The following DNAH3 variants were observed in gnomAD, a reference collection of about 807,000 sequenced individuals.
DNAH3 encodes the protein dynein axonemal heavy chain 3.
In DNAH3, 332 loss-of-function variants were observed where a neutral mutation model predicts 432.5. That is an observed-to-expected ratio of 0.77 (90% CI 0.70 to 0.84). The LOEUF (loss-of-function observed/expected upper bound fraction) is 0.84, where lower values mean the gene tolerates loss of function less well. Ranked by LOEUF, DNAH3 falls within the 40% of genes least tolerant of loss-of-function variation. DNAH3 has a pLI of 0.00. For synonymous variants in DNAH3, 1,956 were observed against 1,900.2 expected (o/e 1.03, Z -0.76); for missense variants, 4,861 against 5,114.0 (o/e 0.95, Z 1.51).
intron 54 of DNAH3, among the ~76,000 whole-genome samples, chr16:20,958,458 C>T (rs1266027077): frequency 6.6e-6 from 1 of 152,092 alleles, no homozygotes; most frequent in Non-Finnish European, 1.5e-5. Context: ...CTCCTATTAC[C>T]TTCTCCAACA....
chr16:21,140,576 A>G, exon 5 of DNAH3: 1 of 1,613,980 alleles, frequency 6.2e-7, no homozygotes, highest in Non-Finnish European at 8.5e-7. Flanking sequence ...TTTACTTTCC[A>G]TTTCCATCTC....
At position 21,081,381 on chromosome 16, in the gene DNAH3, T is replaced by TAA. The variant is rs56977749; in HGVS notation, c.2969+253_2969+254dup. Among the ~76,000 whole-genome samples the TAA allele has an allele frequency of 4.3e-3, 617 of 144,036 alleles. 4 individuals are homozygous for TAA. The highest frequency in any genetic ancestry group is 0.011 in the African/African-American group (432 of 39,020). 94.5% of individuals were successfully genotyped at this position (144,036 alleles called of 152,430 possible). A position where few individuals can be genotyped will look rare whatever the true frequency, so the allele number is the denominator to read the frequency against. On this transcript the variant is annotated intron_variant, in intron 20 of 61. Coordinates refer to ENST00000261383, the Ensembl canonical transcript of DNAH3. Reference sequence around the variant, plus strand: ...CTTGAAGCTCAGGTTCAAAGAACATTAAAAAAAAAAAAAACCCTTTGAAAT... The same window carrying TAA: ...CTTGAAGCTCAGGTTCAAAGAACATTAAAAAAAAAAAAAAAACCCTTTGAAAT...
chr16:20,983,002 G>C, intron 48 of DNAH3, 116 bp from the exon 49 acceptor site: 2 of 1,101,266 alleles, frequency 1.8e-6, no homozygotes, highest in Non-Finnish European at 2.7e-6. Flanking sequence ...TCCTCCTGGC[G>C]CTCCAGGGAT....
Position 20,944,496 on chromosome 16 carries a change from CT to C in DNAH3, c.11510del (p.Gln3837ArgfsTer25). ...AGCCCCCTTTCCCGAGCCCAGTTAC[CT>C]GAGGGGACTTGCCACTTCCTCCTGA... is the stretch of plus-strand genomic sequence containing the variant. On this transcript the variant is annotated frameshift_variant and splice_region_variant, in exon 58 of 62. Transcript: ENST00000261383. LOFTEE classifies it high-confidence loss of function. 1 of 1,614,030 alleles carries C rather than the reference CT, an allele frequency of 6.2e-7. No individual in the cohort carries two copies. Among genetic ancestry groups the C allele is most frequent in the Non-Finnish European group, 8.5e-7 (1 of 1,179,956 alleles).
chr16:21,159,174 C>T (rs1453531257), intron 1 of DNAH3: 6 of 822,966 alleles, frequency 7.3e-6, no homozygotes, highest in Non-Finnish European at 1.2e-5. Context: ...CCCTCTTCTC[C>T]ACCGAGGTCC....
intron 58 of DNAH3, among the ~76,000 whole-genome samples, chr16:20,942,514 T>A (rs2083860898): frequency 6.6e-6 from 1 of 152,212 alleles, no homozygotes; most frequent in African/African-American, 2.4e-5. Flanking sequence ...CAGGCTGGTT[T>A]ACCTTCATAC....
intron 3 of DNAH3, among the ~76,000 whole-genome samples, chr16:21,143,407 T>A (rs966240469): frequency 6.6e-6 from 1 of 152,128 alleles, no homozygotes; most frequent in African/African-American, 2.4e-5. Context: ...AGCAAGAAGA[T>A]AGAGAAGACA....
chr16:20,983,114 A>T (rs1463757267), intron 48 of DNAH3, among the ~76,000 whole-genome samples: 5 of 151,954 alleles, frequency 3.3e-5, no homozygotes, highest in African/African-American at 4.8e-5. Flanking sequence ...GCCCCTTTTT[A>T]AAAAAAATTT....
intron 18 of DNAH3, among the ~76,000 whole-genome samples, chr16:21,093,836 A>T (rs75197647): frequency 0.037 from 5,580 of 152,226 alleles, 174 homozygotes; most frequent in East Asian, 0.18. Flanking sequence ...TTTTTTCCCA[A>T]TTACTGGAAC....
intron 1 of DNAH3, among the ~76,000 whole-genome samples, chr16:21,149,236 A>AG (rs992971065): frequency 6.6e-6 from 1 of 151,820 alleles, no homozygotes; most frequent in Non-Finnish European, 1.5e-5. Context: ...CAAAAAAAAA[A>AG]AAAGAAAGAA....
At position 20,959,311 on chromosome 16, in the gene DNAH3, A is replaced by G. The variant is rs150878924; in HGVS notation, c.10694T>C (p.Met3565Thr). The change falls in exon 54 of 62, where the codon ATG (methionine) becomes ACG (threonine). Residue 3565 changes from methionine (M) to threonine (T), a missense_variant. Met to Thr is a moderately conservative substitution (Grantham distance 81). Coordinates refer to ENST00000261383, the Ensembl canonical transcript of DNAH3. Reference sequence around the variant, plus strand: ...CCCGTCTTTGATGGCATTGTTGATCATTTTGGCAGCAATAGGGCCTTGGCC... The same window carrying G: ...CCCGTCTTTGATGGCATTGTTGATCGTTTTGGCAGCAATAGGGCCTTGGCC... 294 of 1,614,180 alleles carry G rather than the reference A, an allele frequency of 1.8e-4. 1 individual carries two copies. The highest frequency in any genetic ancestry group is 2.3e-4 in the Non-Finnish European group (267 of 1,180,022).
intron 24 of DNAH3, among the ~76,000 whole-genome samples, chr16:21,065,825 GTTTA>G (rs55642971): frequency 0.22 from 33,391 of 151,632 alleles, 3,849 homozygotes; most frequent in East Asian, 0.46. Flanking sequence ...TTCTGAGTTT[GTTTA>G]TTTATTTATT....
exon 41 of DNAH3, chr16:21,019,828 C>T: frequency 6.2e-7 from 1 of 1,614,138 alleles, no homozygotes; most frequent in Non-Finnish European, 8.5e-7. Flanking sequence ...GACAGGCCTT[C>T]ACCTAATTCC....
chr16:20,987,366 T>C (rs930202791), exon 47 of DNAH3: 2 of 1,614,102 alleles, frequency 1.2e-6, no homozygotes, highest in Non-Finnish European at 8.5e-7. Context: ...GAAAAAGACC[T>C]GTCTGTCCTC....
At chr16:21,116,421 C>A (rs2092201807) in intron 12 of DNAH3, among the ~76,000 whole-genome samples, 1 of 152,012 alleles carries the variant, frequency 6.6e-6, no homozygotes, top group South Asian at 2.1e-4. Flanking sequence ...TTTCCCTCCC[C>A]CTTTTGCTCA....
At position 20,948,538 on chromosome 16, in the gene DNAH3, TA is replaced by T; in HGVS notation, c.11287del (p.Tyr3763IlefsTer61). On this transcript the variant is annotated frameshift_variant, in exon 57 of 62. Transcript: ENST00000261383. LOFTEE classifies it high-confidence loss of function. ...AGTGTCTCCAGGAGCGAGGGAGTAATAGTCCTCCTCAATTTCCTTACAGTAG... is the reference window on the plus strand; with the variant it reads ...AGTGTCTCCAGGAGCGAGGGAGTAATGTCCTCCTCAATTTCCTTACAGTAG... 6.2e-7 allele frequency: 1 copy of T among 1,613,992 alleles called. No homozygotes were observed.
chr16:21,089,045 T>C (rs2091459508), intron 18 of DNAH3, among the ~76,000 whole-genome samples: 1 of 152,144 alleles, frequency 6.6e-6, no homozygotes, highest in Non-Finnish European at 1.5e-5. Flanking sequence ...GAAATTTCTG[T>C]AGGATATTCA....
chr16:21,048,691 T>C (rs1489353827), intron 31 of DNAH3, among the ~76,000 whole-genome samples: 2 of 151,156 alleles, frequency 1.3e-5, no homozygotes, highest in African/African-American at 4.9e-5. Context: ...TCGGCCATCT[T>C]GGCTCCTCCC....
chr16:20,971,561 T>C (rs550561717), intron 51 of DNAH3, among the ~76,000 whole-genome samples: 1 of 152,248 alleles, frequency 6.6e-6, no homozygotes, highest in East Asian at 1.9e-4. Context: ...AGGATGTCAC[T>C]CCCTGGAAGA....
Sources: allele counts gnomAD v4.1 joint callset (sites outside exome capture counted in the v4.1 genomes callset), GRCh38; gene constraint gnomAD v4.1.1; transcripts MANE v1.5; gene names NCBI Gene and HGNC (gene_info 2026-07-23, HGNC 2026-07-21).